The following PAFAH1B2 variants were observed in gnomAD, a reference collection of about 807,000 sequenced individuals.
PAFAH1B2 encodes platelet-activating factor acetylhydrolase IB subunit alpha2.
PAFAH1B2 carries 8 observed loss-of-function variants against 28.0 expected under a neutral mutation model. The observed-to-expected ratio is 0.29, with a 90% CI of 0.17 to 0.52. The LOEUF is 0.52. Ranked by LOEUF, PAFAH1B2 falls within the 20% of genes least tolerant of loss-of-function variation. PAFAH1B2 has a pLI of 0.97. For missense variants in PAFAH1B2, 190 were observed against 282.6 expected, an observed-to-expected ratio of 0.67 and a Z score of 2.35; for synonymous variants, 104 against 103.2, an observed-to-expected ratio of 1.01 and a Z score of -0.05.
At chr11:117,159,562 G>A (rs916997800) in intron 2 of PAFAH1B2, 3 of 172,704 alleles carry the variant, frequency 1.7e-5, no homozygotes, top group Non-Finnish European at 3.7e-5. Context: ...GTAAAACCTC[G>A]TCTCTACAAA....
rs1337170310 is a variant in PAFAH1B2, at chr11:117,149,054, T to C, written c.-7-3387T>C. Among the ~76,000 whole-genome samples, 35 of 115,634 alleles carry C rather than the reference T, an allele frequency of 3.0e-4. No individual in the cohort carries two copies. In the South Asian group the frequency reaches 5.3e-3, roughly 18 times the overall value. 75.9% of individuals were successfully genotyped at this position (115,634 alleles called of 152,430 possible). On this transcript the variant is annotated intron_variant, in intron 1 of 5. Coordinates refer to ENST00000527958, the MANE Select transcript of PAFAH1B2 (RefSeq NM_002572.4). ...GCCAATTTTTTTTTTTTTTTTTTTTTTGTATTTTTAGTAGAGATGGATTTC... is the reference window on the plus strand; with the variant it reads ...GCCAATTTTTTTTTTTTTTTTTTTTCTGTATTTTTAGTAGAGATGGATTTC...
downstream of PAFAH1B2, chr11:117,174,856 C>G (rs1249770273): frequency 7.3e-7 from 1 of 1,367,686 alleles, no homozygotes; most frequent in Non-Finnish European, 9.9e-7. Flanking sequence ...TTCAGATGAT[C>G]CAACCGCCTT....
At chr11:117,152,336 C>T (rs1210706617) in intron 1 of PAFAH1B2, 105 bp from the exon 2 acceptor site, 2 of 672,022 alleles carry the variant, frequency 3.0e-6, no homozygotes, top group East Asian at 2.7e-5. Context: ...CTAGGCAAAC[C>T]ACATAAAACT....
rs375103290 is a variant in PAFAH1B2, at chr11:117,168,792, TTTTTG to T, written c.*1107_*1111del. On this transcript the variant is annotated 3_prime_UTR_variant, in exon 6 of 6. Transcript: ENST00000527958. ...TTATTTTTTTTATTGGCTTAGTTGT[TTTTTG>T]TTTTGTTTTGTTTGAGATGGAGTTT... 1.2e-3 allele frequency: 1,134 copies of T among 985,492 alleles called. 14 individuals are homozygous for T. In the African/African-American group the frequency reaches 0.017, roughly 15 times the overall value. 61.0% of individuals were successfully genotyped at this position (985,492 alleles called of 1,614,324 possible). A position where few individuals can be genotyped will look rare whatever the true frequency, so the allele number is the denominator to read the frequency against.
chr11:117,172,733 T>C (rs576967013), downstream of PAFAH1B2, among the ~76,000 whole-genome samples: 545 of 152,334 alleles, frequency 3.6e-3, 4 homozygotes, highest in Non-Finnish European at 5.2e-3. Flanking sequence ...GGAAACAGTC[T>C]CGCTTTGTTG....
At chr11:117,151,974 G>T (rs992811670) in intron 1 of PAFAH1B2, among the ~76,000 whole-genome samples, 2 of 152,184 alleles carry the variant, frequency 1.3e-5, no homozygotes, top group African/African-American at 4.8e-5. Context: ...CTCCCAAAGT[G>T]CTGGGATTAC....
chr11:117,150,909 A>G (rs1457101072), intron 1 of PAFAH1B2, among the ~76,000 whole-genome samples: 5 of 150,750 alleles, frequency 3.3e-5, no homozygotes, highest in African/African-American at 1.2e-4. Context: ...AATGGCGTGA[A>G]CCCGGGAGGC....
At chr11:117,172,404 ATTTTTTTTTTTTTTTTT>A (rs375747711), downstream of PAFAH1B2, among the ~76,000 whole-genome samples, 1 of 8,692 alleles carries the variant, frequency 1.2e-4, no homozygotes, top group African/African-American at 3.1e-4. Flanking sequence ...ATATATATAT[ATTTTTTTTTTTTTTTTT>A]TTTTTTTTAC....
intron 2 of PAFAH1B2, chr11:117,159,341 A>T (rs1310735875): frequency 6.6e-6 from 1 of 152,032 alleles, no homozygotes. Flanking sequence ...GGGATAGACT[A>T]AAAAAAATGT....
chr11:117,168,183 T>G lies in PAFAH1B2; in HGVS notation c.*484T>G. 9.5e-7 allele frequency: 1 copy of G among 1,048,058 alleles called. No individual in the cohort carries two copies. The highest frequency in any genetic ancestry group is 1.2e-6 in the Non-Finnish European group (1 of 865,386). The allele number at this position is 1,048,058 out of a possible 1,614,324, so 64.9% of individuals were successfully genotyped here. A position where few individuals can be genotyped will look rare whatever the true frequency, so the allele number is the denominator to read the frequency against. On this transcript the variant is annotated 3_prime_UTR_variant, in exon 6 of 6. Transcript: ENST00000527958. ...CTTAGATTCTTATGTATACTGAATA[T>G]TTTATTAACATGTAGCATCAGGTTG... is the stretch of plus-strand genomic sequence containing the variant.
chr11:117,176,850 A>G (rs1179730601), exon 6 of PAFAH1B2: 1 of 144,940 alleles, frequency 6.9e-6, no homozygotes, highest in African/African-American at 2.6e-5. Flanking sequence ...GTACTCCAGC[A>G]TGGGTGACAG....
At chr11:117,175,491 T>A, downstream of PAFAH1B2, 1 of 1,087,878 alleles carries the variant, frequency 9.2e-7, no homozygotes, top group Non-Finnish European at 1.1e-6. Flanking sequence ...GATTCAAAAG[T>A]TAAGTCTTGA....
At chr11:117,155,405 A>G (rs182158492) in intron 2 of PAFAH1B2, among the ~76,000 whole-genome samples, 2 of 152,356 alleles carry the variant, frequency 1.3e-5, no homozygotes, top group Admixed American at 1.3e-4. Context: ...GATACCTTAT[A>G]TTATCAATAA....
At chr11:117,161,322 G>C (rs1287989349) in intron 4 of PAFAH1B2, 61 bp downstream of exon 4, 3 of 1,059,790 alleles carry the variant, frequency 2.8e-6, no homozygotes, top group South Asian at 3.4e-5. Flanking sequence ...TAGTTAAATT[G>C]TCTGAAACTG....
chr11:117,173,764 T>C (rs573703216), downstream of PAFAH1B2, among the ~76,000 whole-genome samples: 1 of 152,302 alleles, frequency 6.6e-6, no homozygotes, highest in African/African-American at 2.4e-5. Context: ...ATGCATCCAG[T>C]CTTTGCAGTC....
intron 1 of PAFAH1B2, among the ~76,000 whole-genome samples, chr11:117,144,874 C>G (rs1955960225): frequency 6.6e-6 from 1 of 152,178 alleles, no homozygotes; most frequent in East Asian, 1.9e-4. Flanking sequence ...TCACAGGGGT[C>G]TAACTTCTCA....
chr11:117,167,952 T>C lies in PAFAH1B2; in HGVS notation c.*253T>C. The C allele has an allele frequency of 8.9e-7, 1 of 1,124,226 alleles. No individual in the cohort carries two copies. The highest frequency in any genetic ancestry group is 1.1e-6 in the Non-Finnish European group (1 of 918,484). 69.6% of individuals were successfully genotyped at this position (1,124,226 alleles called of 1,614,324 possible). A position where few individuals can be genotyped will look rare whatever the true frequency, so the allele number is the denominator to read the frequency against. Reference sequence around the variant, plus strand: ...AAACCAGAAGGGGACTTTTTAGTTGTATGTGTAACACATTCATTGAATTAT... The same window carrying C: ...AAACCAGAAGGGGACTTTTTAGTTGCATGTGTAACACATTCATTGAATTAT... On this transcript the variant is annotated 3_prime_UTR_variant, in exon 6 of 6. Coordinates refer to ENST00000527958, the MANE Select transcript of PAFAH1B2 (RefSeq NM_002572.4).
In PAFAH1B2 at chr11:117,168,755, A is replaced by C; in HGVS notation, c.*1056A>C. The C allele has an allele frequency of 9.7e-7, 1 of 1,034,076 alleles. No individual in the cohort carries two copies. The highest frequency in any genetic ancestry group is 1.2e-6 in the Non-Finnish European group (1 of 854,182). 64.1% of individuals were successfully genotyped at this position (1,034,076 alleles called of 1,614,324 possible). ...ATTATTTCAAGTTTTATAATATCTT[A>C]AGGTGTATATTTTATTTTTTTTATT... is the stretch of plus-strand genomic sequence containing the variant. On this transcript the variant is annotated 3_prime_UTR_variant, in exon 6 of 6. Transcript: ENST00000527958.
chr11:117,157,406 G>T (rs918221095), intron 2 of PAFAH1B2, among the ~76,000 whole-genome samples: 3 of 152,020 alleles, frequency 2.0e-5, no homozygotes, highest in African/African-American at 7.3e-5. Flanking sequence ...CTTCACAGAG[G>T]CCTAGGATTA....
Sources: gnomAD v4.1 joint callset for allele counts (sites outside exome capture counted in the v4.1 genomes callset) on GRCh38, gnomAD v4.1.1 for gene constraint, MANE v1.5 for transcripts, NCBI Gene and HGNC (gene_info 2026-07-23, HGNC 2026-07-21) for gene names.